SLC25A43: variants seen among roughly 807,000 people sequenced by gnomAD.
The protein encoded by SLC25A43 is solute carrier family 25, member 43.
In SLC25A43, 10 loss-of-function variants were observed where a neutral mutation model predicts 22.8. That is an observed-to-expected ratio of 0.44 (90% CI 0.27 to 0.74). The LOEUF (loss-of-function observed/expected upper bound fraction) is 0.74, where lower values mean the gene tolerates loss of function less well. Ranked by LOEUF, SLC25A43 falls within the 30% of genes least tolerant of loss-of-function variation. The probability of loss-of-function intolerance (pLI) is 0.17; values close to 1 mark genes in which losing one functional copy is unlikely to be tolerated. For synonymous variants in SLC25A43, 106 were observed against 121.6 expected (o/e 0.87, Z 0.84); for missense variants, 233 against 279.1 (o/e 0.83, Z 1.18).
intron 3 of SLC25A43, among the ~76,000 whole-genome samples, chrX:119,412,413 C>A (rs2052358332): frequency 9.2e-6 from 1 of 108,144 alleles, no homozygotes; most frequent in African/African-American, 3.4e-5. Flanking sequence ...CTCACTCTGA[C>A]ACCCAGGCTG....
In SLC25A43 at chrX:119,399,355, G is replaced by A; in HGVS notation, c.-49G>A. 2 of 897,997 alleles carry A rather than the reference G, an allele frequency of 2.2e-6. No individual in the cohort carries two copies. Among genetic ancestry groups the A allele is most frequent in the East Asian group, 8.5e-5 (2 of 23,444 alleles). The allele number at this position is 897,997 out of a possible 1,213,427, so 74.0% of individuals were successfully genotyped here. The stretch of plus-strand genomic sequence containing the variant: ...CCCGCCACCTCCGCCCGTGGCCGGA[G>A]AGCCCCAGGCCCGAGCCACGCGGTC... On this transcript the variant is annotated 5_prime_UTR_variant, in exon 1 of 5. Coordinates refer to ENST00000217909, the MANE Select transcript of SLC25A43 (RefSeq NM_145305.3).
intron 3 of SLC25A43, among the ~76,000 whole-genome samples, chrX:119,428,437 A>T (rs1180104441): frequency 9.0e-6 from 1 of 111,425 alleles, no homozygotes; most frequent in Non-Finnish European, 1.9e-5. Context: ...CCTGGGTGAT[A>T]AGAGTGAAAC....
intron 3 of SLC25A43, among the ~76,000 whole-genome samples, chrX:119,427,819 CTT>C (rs893203295): frequency 1.8e-5 from 2 of 112,126 alleles, no homozygotes; most frequent in South Asian, 3.7e-4. Flanking sequence ...CTCGAAGACT[CTT>C]TTCTTTTCCC....
At chrX:119,434,682 G>A (rs1428994681) in intron 3 of SLC25A43, 1 of 108,987 alleles carries the variant, frequency 9.2e-6, no homozygotes, top group Non-Finnish European at 1.9e-5. Flanking sequence ...GGGACCACCA[G>A]GTTGCCAAAG....
At chrX:119,408,034 G>T (rs2052313826) in intron 2 of SLC25A43, among the ~76,000 whole-genome samples, 1 of 110,690 alleles carries the variant, frequency 9.0e-6, no homozygotes, top group African/African-American at 3.3e-5. Flanking sequence ...CGGCTGAGGT[G>T]ATCTCTCCAC....
intron 3 of SLC25A43, among the ~76,000 whole-genome samples, chrX:119,446,962 CTTT>C (rs746323068): frequency 2.7e-5 from 3 of 110,502 alleles, no homozygotes; most frequent in African/African-American, 9.9e-5. Context: ...TTCCCATTCT[CTTT>C]TTTTTTGAGA....
At chrX:119,430,154 G>A (rs1311329481) in intron 3 of SLC25A43, among the ~76,000 whole-genome samples, 1 of 111,719 alleles carries the variant, frequency 9.0e-6, no homozygotes, top group African/African-American at 3.3e-5. Flanking sequence ...TGCGTGACAT[G>A]TTTCATTTCT....
intron 3 of SLC25A43, among the ~76,000 whole-genome samples, chrX:119,412,376 GT>G (rs1290075875): frequency 6.2e-4 from 63 of 100,961 alleles, no homozygotes; most frequent in Middle Eastern, 5.1e-3. Flanking sequence ...GACATTTGGT[GT>G]TTTTTTTTTT....
At chrX:119,432,609 T>C (rs2052562174) in intron 3 of SLC25A43, among the ~76,000 whole-genome samples, 1 of 109,079 alleles carries the variant, frequency 9.2e-6, no homozygotes, top group Non-Finnish European at 1.9e-5. Flanking sequence ...GCCAACATCG[T>C]GAAACCCTGT....
At chrX:119,405,460 C>G (rs909925719) in intron 1 of SLC25A43, among the ~76,000 whole-genome samples, 4 of 109,508 alleles carry the variant, frequency 3.7e-5, no homozygotes, top group Non-Finnish European at 7.6e-5. Context: ...TGGGGATGCT[C>G]TCATTTTAAA....
chrX:119,420,307 T>C (rs1299409910), intron 3 of SLC25A43, among the ~76,000 whole-genome samples: 3 of 98,379 alleles, frequency 3.0e-5, no homozygotes, highest in Non-Finnish European at 4.1e-5. Flanking sequence ...TTTTTTTTTT[T>C]CTTTTTGTGA....
intron 3 of SLC25A43, among the ~76,000 whole-genome samples, chrX:119,414,640 C>G (rs774700156): frequency 1.8e-5 from 2 of 111,751 alleles, no homozygotes; most frequent in Admixed American, 9.6e-5. Flanking sequence ...TTAGTATTAT[C>G]TTCTGTTTCT....
At chrX:119,448,554 C>T (rs1305011670) in intron 3 of SLC25A43, among the ~76,000 whole-genome samples, 1 of 111,171 alleles carries the variant, frequency 9.0e-6, no homozygotes, top group African/African-American at 3.3e-5. Context: ...TGTAACACCC[C>T]GGACATGCTC....
intron 3 of SLC25A43, among the ~76,000 whole-genome samples, chrX:119,413,159 T>C (rs1351304864): frequency 9.0e-6 from 1 of 111,006 alleles, no homozygotes; most frequent in Non-Finnish European, 1.9e-5. Context: ...TTAAAATGGT[T>C]AAAATGGTTC....
rs1011214475 is a variant in SLC25A43, at chrX:119,402,527, A to G, written c.275+2849A>G. Among the ~76,000 whole-genome samples the G allele has an allele frequency of 4.5e-5, 5 of 111,835 alleles. No homozygotes were observed. The East Asian group carries it at 8.4e-4, about 19-fold the overall frequency. On this transcript the variant is annotated intron_variant, in intron 1 of 4. Transcript: ENST00000217909. ...TCTGAAATTGTTCATAACCAACACT[A>G]TTTCTTTATTGAATAAGCACTTCAT...
intron 3 of SLC25A43, among the ~76,000 whole-genome samples, chrX:119,414,915 T>A (rs1603295301): frequency 7.5e-5 from 1 of 13,355 alleles, no homozygotes. Context: ...ACCCAGCTAA[T>A]TTTTTTTTTT....
At chrX:119,427,531 G>A (rs760721043) in intron 3 of SLC25A43, among the ~76,000 whole-genome samples, 2 of 112,382 alleles carry the variant, frequency 1.8e-5, no homozygotes, top group South Asian at 7.4e-4. Flanking sequence ...CAACTATTTG[G>A]GTCCCGGCTA....
chrX:119,399,744 C>T lies in SLC25A43; in HGVS notation c.275+66C>T, dbSNP rs2052220271. 19 of 962,338 alleles carry T rather than the reference C, an allele frequency of 2.0e-5. No individual in the cohort carries two copies. The East Asian group carries it at 3.7e-4, about 19-fold the overall frequency. 79.3% of individuals were successfully genotyped at this position (962,338 alleles called of 1,213,427 possible). A position where few individuals can be genotyped will look rare whatever the true frequency, so the allele number is the denominator to read the frequency against. On this transcript the variant is annotated intron_variant, in intron 1 of 4. Transcript: ENST00000217909. Reference sequence around the variant, plus strand: ...GGGGTGGGGTGGGGGAGCCGCGGCCCGACGCCGCCCTGCTGCCTGGACTCG... The same window carrying T: ...GGGGTGGGGTGGGGGAGCCGCGGCCTGACGCCGCCCTGCTGCCTGGACTCG...
At chrX:119,431,792 G>A (rs1174719743) in intron 3 of SLC25A43, among the ~76,000 whole-genome samples, 1 of 111,266 alleles carries the variant, frequency 9.0e-6, no homozygotes, top group African/African-American at 3.3e-5. Context: ...TTGCTGGCTG[G>A]GAGGGAGCAT....
Sources: gnomAD v4.1 joint callset for allele counts (sites outside exome capture counted in the v4.1 genomes callset) on GRCh38, gnomAD v4.1.1 for gene constraint, MANE v1.5 for transcripts, NCBI Gene and HGNC (gene_info 2026-07-23, HGNC 2026-07-21) for gene names.